Variants in KCNT2 observed in about 807,000 individuals in gnomAD.
KCNT2 encodes potassium sodium-activated channel subfamily T member 2.
A neutral mutation model predicts 153.8 loss-of-function variants in KCNT2; 67 were observed. The ratio of observed to expected loss-of-function variants is 0.44; its 90% confidence interval spans 0.36 to 0.53. The LOEUF is 0.53. KCNT2 is among the 20% of genes least tolerant of loss of function. KCNT2 has a pLI of 0.00. For synonymous variants in KCNT2, 500 were observed against 458.8 expected (o/e 1.09, Z -1.15); for missense variants, 975 against 1,354.8 (o/e 0.72, Z 4.40).
rs1319815883 is a variant in KCNT2, at chr1:196,436,589, T to A, written c.639-6832A>T. ...GCAATACAGTGATAATCAGGCATTATAATATAGTTATCTTGTTTCATTCAC... is the reference window on the plus strand; with the variant it reads ...GCAATACAGTGATAATCAGGCATTAAAATATAGTTATCTTGTTTCATTCAC... On this transcript the variant is annotated intron_variant, in intron 8 of 27. Coordinates refer to ENST00000294725, the MANE Select transcript of KCNT2 (RefSeq NM_198503.5). Among the ~76,000 whole-genome samples, 3 of 151,468 alleles carry A rather than the reference T, an allele frequency of 2.0e-5. No individual in the cohort carries two copies. The Admixed American group carries it at 2.0e-4, about 10-fold the overall frequency.
chr1:196,346,966 G>A (rs189351740), intron 14 of KCNT2, among the ~76,000 whole-genome samples: 34 of 152,184 alleles, frequency 2.2e-4, no homozygotes, highest in Admixed American at 1.4e-3. Flanking sequence ...TAATCTATGA[G>A]ATATATGCTT....
In KCNT2 at chr1:196,596,056, GTATATATATATATATA is replaced by G. The variant is rs1174131733; in HGVS notation, c.95+12143_95+12158del. On this transcript the variant is annotated intron_variant, in intron 1 of 27. Coordinates refer to ENST00000294725, the MANE Select transcript of KCNT2 (RefSeq NM_198503.5). ...ATGGCTGAGTTGTATTCCATGATGT[GTATATATATATATATA>G]TATATATATATATATATATATATAT... Among the ~76,000 whole-genome samples, 12 of 4,358 alleles carry G rather than the reference GTATATATATATATATA, an allele frequency of 2.8e-3. 1 individual carries two copies. Among genetic ancestry groups the G allele is most frequent in the African/African-American group, 3.2e-3 (12 of 3,730 alleles). 2.9% of individuals were successfully genotyped at this position (4,358 alleles called of 152,430 possible).
At position 196,241,251 on chromosome 1, in the gene KCNT2, C is replaced by G. The variant is rs116591817; in HGVS notation, c.3212-5181G>C. ...GAAATACCTTATCAGGGAAGCTAAA[C>G]TCAGTCATACTGTACTTACTTCTTC... On this transcript the variant is annotated intron_variant, in intron 26 of 27. Coordinates refer to ENST00000294725, the MANE Select transcript of KCNT2 (RefSeq NM_198503.5). Among the ~76,000 whole-genome samples the G allele has an allele frequency of 2.7e-3, 408 of 152,132 alleles. 3 individuals are homozygous for G. The highest frequency in any genetic ancestry group is 5.8e-3 in the Admixed American group (89 of 15,258).
At chr1:196,230,309 C>G (rs143054233) in intron 27 of KCNT2, among the ~76,000 whole-genome samples, 28 of 152,064 alleles carry the variant, frequency 1.8e-4, no homozygotes, top group African/African-American at 6.5e-4. Context: ...AATGGAAAAA[C>G]AAAGCCTGAC....
intron 1 of KCNT2, among the ~76,000 whole-genome samples, chr1:196,579,224 C>G (rs528544614): frequency 6.6e-6 from 1 of 152,022 alleles, no homozygotes; most frequent in African/African-American, 2.4e-5. Flanking sequence ...AACGCAGGGA[C>G]AGAAAACCAA....
intron 13 of KCNT2, among the ~76,000 whole-genome samples, chr1:196,378,618 A>G (rs1348688152): frequency 8.6e-5 from 13 of 151,182 alleles, no homozygotes; most frequent in African/African-American, 2.9e-4. Context: ...TTTTAACCAT[A>G]GTTCAAGCCT....
chr1:196,522,111 G>A (rs1653511450), intron 1 of KCNT2, among the ~76,000 whole-genome samples: 1 of 152,092 alleles, frequency 6.6e-6, no homozygotes, highest in South Asian at 2.1e-4. Context: ...TTTAAACAAT[G>A]TGCTTATGCA....
intron 22 of KCNT2, among the ~76,000 whole-genome samples, chr1:196,301,353 T>C (rs1571962808): frequency 6.6e-6 from 1 of 152,178 alleles, no homozygotes; most frequent in Non-Finnish European, 1.5e-5. Context: ...GCATGCACAC[T>C]AATAAATTTG....
chr1:196,435,133 G>GTATATATATATA (rs1428028008), intron 8 of KCNT2, among the ~76,000 whole-genome samples: 1 of 87,876 alleles, frequency 1.1e-5, no homozygotes, highest in African/African-American at 4.1e-5. Flanking sequence ...ATGTGTGTGT[G>GTATATATATATA]TGTATGTATA....
chr1:196,596,086 A>C (rs925376402), intron 1 of KCNT2, among the ~76,000 whole-genome samples: 1,766 of 56,176 alleles, frequency 0.031, 184 homozygotes, highest in African/African-American at 0.088. Context: ...ATATATATAT[A>C]TATATATATA....
intron 1 of KCNT2, among the ~76,000 whole-genome samples, chr1:196,596,664 C>T (rs1332198179): frequency 6.6e-6 from 1 of 152,106 alleles, no homozygotes; most frequent in Non-Finnish European, 1.5e-5. Context: ...CTGTATATGG[C>T]TATATTAATA....
intron 20 of KCNT2, 131 bp downstream of exon 20, chr1:196,319,353 C>T (rs1663052948): frequency 4.1e-6 from 2 of 492,272 alleles, no homozygotes; most frequent in East Asian, 6.3e-5. Context: ...AACATAAGCT[C>T]TACATGCAAA....
At chr1:196,395,281 G>A (rs899483864) in intron 13 of KCNT2, among the ~76,000 whole-genome samples, 3 of 151,580 alleles carry the variant, frequency 2.0e-5, no homozygotes, top group Non-Finnish European at 4.4e-5. Context: ...CGTTAAATGA[G>A]TTGGGAAGAT....
intron 1 of KCNT2, among the ~76,000 whole-genome samples, chr1:196,584,457 A>G (rs1662434227): frequency 6.6e-6 from 1 of 152,120 alleles, no homozygotes; most frequent in Admixed American, 6.6e-5. Context: ...TAACAAATGG[A>G]TGAACTCTCC....
At chr1:196,242,540 C>T (rs933040777) in intron 26 of KCNT2, among the ~76,000 whole-genome samples, 4 of 152,106 alleles carry the variant, frequency 2.6e-5, no homozygotes, top group African/African-American at 9.7e-5. Context: ...TTTTGCAGCT[C>T]TCCTGCAGTA....
At chr1:196,451,439 T>C (rs71631854) in intron 8 of KCNT2, among the ~76,000 whole-genome samples, 3 of 124,960 alleles carry the variant, frequency 2.4e-5, no homozygotes, top group Non-Finnish European at 5.1e-5. Context: ...TTTTGGATTT[T>C]AGTAGGATGG....
In KCNT2 at chr1:196,373,216, C is replaced by A. The variant is rs1225997766; in HGVS notation, c.1327G>T (p.Ala443Ser). The change falls in exon 14 of 28, where the codon GCC becomes TCC. Residue 443 changes from alanine (A) to serine (S), a missense_variant. This residue lies in a region of KCNT2 where 202 missense variants were observed against 314.9 expected (regional missense o/e 0.64). Transcript: ENST00000294725. ...HVVCEEEFKY[A>S]MLALNCICPA... ...CATATACAGTTTAAAGCTAACATGG[C>A]GTATTTAAACTCTTCTTCACAAACA... The A allele has an allele frequency of 6.4e-7, 1 of 1,564,980 alleles. No individual in the cohort carries two copies.
chr1:196,368,324 CT>C (rs1216151349), intron 14 of KCNT2, among the ~76,000 whole-genome samples: 6 of 152,216 alleles, frequency 3.9e-5, no homozygotes, highest in Middle Eastern at 3.4e-3. Context: ...ATCTCTTTTT[CT>C]TTAGTGGTAC....
chr1:196,427,929 TC>T (rs776697901), intron 10 of KCNT2, among the ~76,000 whole-genome samples, 175 bp downstream of exon 10: 13 of 152,100 alleles, frequency 8.5e-5, no homozygotes, highest in Non-Finnish European at 1.8e-4. Flanking sequence ...TGAGTATTCC[TC>T]CAGCATTTTT....
Sources: allele counts gnomAD v4.1 joint callset (sites outside exome capture counted in the v4.1 genomes callset), GRCh38; gene constraint gnomAD v4.1.1; regional missense constraint gnomAD v4.1.1; transcripts MANE v1.5; gene names NCBI Gene and HGNC (gene_info 2026-07-23, HGNC 2026-07-21).